Variants in PKD1 observed in about 807,000 individuals in gnomAD.
The protein encoded by PKD1 is polycystin-1.
PKD1 carries 81 observed loss-of-function variants against 361.7 expected under a neutral mutation model. The ratio of observed to expected loss-of-function variants is 0.22; its 90% CI spans 0.19 to 0.27. PKD1 has a LOEUF of 0.27. PKD1 is among the 10% of genes least tolerant of loss of function. The probability of loss-of-function intolerance (pLI) is 1.00; values close to 1 mark genes in which losing one functional copy is unlikely to be tolerated. For synonymous variants in PKD1, 3,615 were observed against 2,818.3 expected (o/e 1.28, Z -8.95); for missense variants, 6,399 against 6,118.3 (o/e 1.05, Z -1.53).
At position 2,094,105 on chromosome 16, in the gene PKD1, C is replaced by G; in HGVS notation, c.10605G>C (p.Arg3535Ser). The G allele has an allele frequency of 1.9e-6, 3 of 1,591,234 alleles. No individual in the cohort carries two copies. Among genetic ancestry groups the G allele is most frequent in the Non-Finnish European group, 2.6e-6 (3 of 1,168,208 alleles). ...ACGCAAGCACACCTGTCCTGGACAG[C>G]CTCGCTGCCTGGGGCTGTTCCCAGT... Reference protein sequence around the residue: ...GLNWEQPQAARLSRTGLVEGL... With the variant: ...GLNWEQPQAASLSRTGLVEGL... Residue 3535 changes from arginine to serine, a missense_variant, in exon 35 of 46, where the codon AGG becomes AGC. Arg to Ser is a moderately radical substitution (Grantham distance 110, BLOSUM62 -1). Transcript: ENST00000262304.
rs1469766403 is a variant in PKD1, at chr16:2,090,784, G to C, written c.12028C>G (p.Arg4010Gly). 1 of 1,612,472 alleles carries C rather than the reference G, an allele frequency of 6.2e-7. No homozygotes were observed. The highest frequency in any genetic ancestry group is 8.5e-7 in the Non-Finnish European group (1 of 1,179,970). ...VKAAQQLRFV[R>G]QWSVFGKTLC... ...GTCTTGCCAAAGACGGACCACTGGC[G>C]CACGAAGCGTAGCTGCTGGGCAGCC... Residue 4010 changes from arginine (R) to glycine (G), a missense_variant, in exon 44 of 46, where the codon CGC (arginine) becomes GGC (glycine). Arg to Gly is a moderately radical substitution (Grantham distance 125, BLOSUM62 -2). Coordinates refer to ENST00000262304, the MANE Select transcript of PKD1 (RefSeq NM_001009944.3).
intron 32 of PKD1, 24 bp from the exon 33 acceptor site, chr16:2,097,527 G>C: frequency 6.2e-7 from 1 of 1,601,982 alleles, no homozygotes; most frequent in Non-Finnish European, 8.5e-7. Flanking sequence ...GGGTCAGCAA[G>C]GTACCAGGGG....
Position 2,092,733 on chromosome 16 carries a change from G to A in PKD1, c.11157-141C>T. ...CCTGGGCTTCTCAGCCTTATCCTGG[G>A]GATGTTCTGGGGCAGACAGTTGTCT... On this transcript the variant is annotated intron_variant, in intron 38 of 45. Coordinates refer to ENST00000262304, the MANE Select transcript of PKD1 (RefSeq NM_001009944.3). 5 of 829,130 alleles carry A rather than the reference G, an allele frequency of 6.0e-6. No homozygotes were observed. The South Asian group carries it at 7.1e-5, about 12-fold the overall frequency. The allele number at this position is 829,130 out of a possible 1,614,324, so 51.4% of individuals were successfully genotyped here. A position where few individuals can be genotyped will look rare whatever the true frequency, so the allele number is the denominator to read the frequency against.
At chr16:2,105,154 G>C (rs1452551842) in intron 21 of PKD1, among the ~76,000 whole-genome samples, 168 bp downstream of exon 21, 2 of 150,892 alleles carry the variant, frequency 1.3e-5, no homozygotes, top group East Asian at 3.9e-4. Flanking sequence ...ACACAGGACA[G>C]AACGGCTGAG....
At position 2,102,546 on chromosome 16, in the gene PKD1, C is replaced by T. The variant is rs190470234; in HGVS notation, c.9036G>A (p.Thr3012=). ...CCTCGCTGAAGTACTGGCACAGGGA[C>T]GTGTACAGGCCCACGGACACCTGCA... ...SALQVSVGLY[T]SLCQYFSEED... Residue 3012 remains threonine, a synonymous_variant, in exon 25 of 46, where the codon ACG becomes ACA. Coordinates refer to ENST00000262304, the MANE Select transcript of PKD1 (RefSeq NM_001009944.3). 9.3e-6 allele frequency: 15 copies of T among 1,610,518 alleles called. No homozygotes were observed. Among genetic ancestry groups the T allele is most frequent in the Middle Eastern group, 2.1e-4 (1 of 4,686 alleles).
rs1596621081 is a variant in PKD1 at position 2,129,367 on chromosome 16, C to T, written c.215+6108G>A. The stretch of plus-strand genomic sequence containing the variant: ...GCCCAGGCTGGCCTCAAACTCCTGG[C>T]CTCAAGCCATCTGCTCTCCTAAAGT... On this transcript the variant is annotated intron_variant, in intron 1 of 45. Coordinates refer to ENST00000262304, the MANE Select transcript of PKD1 (RefSeq NM_001009944.3). Among the ~76,000 whole-genome samples the T allele has an allele frequency of 3.3e-5, 5 of 150,560 alleles. 1 individual carries two copies. Among genetic ancestry groups the T allele is most frequent in the African/African-American group, 1.2e-4 (5 of 40,942 alleles).
chr16:2,091,695 A>G, intron 41 of PKD1, 86 bp downstream of exon 41: 1 of 1,573,828 alleles, frequency 6.4e-7, no homozygotes, highest in Non-Finnish European at 8.6e-7. Context: ...GAAGCCGCCT[A>G]GGCCAGCGGG....
rs767389783 is a variant in PKD1, at chr16:2,117,599, C to T, written c.1275G>A (p.Glu425=). The T allele has an allele frequency of 1.9e-6, 3 of 1,609,946 alleles. No individual in the cohort carries two copies. The highest frequency in any genetic ancestry group is 1.3e-5 in the African/African-American group (1 of 74,846). ...CCTGCGCCTGCAGCCAGGCCGCCTT[C>T]TCCACCACCAGGCGGTAGCAGTGCC... ...GNGHCYRLVV[E]KAAWLQAQEQ... The change falls in exon 6 of 46, where the codon GAG becomes GAA. Residue 425 remains glutamate, a synonymous_variant. Transcript: ENST00000262304.
Position 2,109,951 on chromosome 16 carries a change from C to G in PKD1, c.5216G>C (p.Ser1739Thr), listed in dbSNP as rs772457591. 18 of 1,610,108 alleles carry G rather than the reference C, an allele frequency of 1.1e-5. No individual in the cohort carries two copies. Among genetic ancestry groups the G allele is most frequent in the Admixed American group, 1.7e-5 (1 of 59,946 alleles). Reference protein sequence around the residue: ...PAAVNTSVTLSAELAGGSGVV... With the variant: ...PAAVNTSVTLTAELAGGSGVV... ...ACCACTGCCACCAGCCAGCTCGGCA[C>G]TGAGGGTGACGCTTGTGTTGACGGC... The change falls in exon 15 of 46, where the codon AGT becomes ACT. Residue 1739 changes from serine (S) to threonine (T), a missense_variant. Ser to Thr is a moderately conservative substitution (Grantham distance 58, BLOSUM62 1). Transcript: ENST00000262304.
intron 1 of PKD1, among the ~76,000 whole-genome samples, chr16:2,129,939 T>C (rs946216863): frequency 8.5e-5 from 13 of 152,102 alleles, no homozygotes; most frequent in African/African-American, 3.1e-4. Flanking sequence ...GACCTGCAGG[T>C]GCTCTCTGTC....
At position 2,090,677 on chromosome 16, in the gene PKD1, G is replaced by T. The variant is rs374701548; in HGVS notation, c.12135C>A (p.Ile4045=). 1 of 1,612,106 alleles carries T rather than the reference G, an allele frequency of 6.2e-7. No individual in the cohort carries two copies. The highest frequency in any genetic ancestry group is 8.5e-7 in the Non-Finnish European group (1 of 1,179,922). Residue 4045 remains isoleucine, a synonymous_variant, in exon 44 of 46, where the codon ATC becomes ATA. Coordinates refer to ENST00000262304, the MANE Select transcript of PKD1 (RefSeq NM_001009944.3). The part of the protein sequence containing the change: ...VLGVAYAQLA[I]LLVSSCVDSL... ...CCCCGGCCGCGCAGTCACCTACCAG[G>T]ATGGCCAGCTGGGCGTAGGCTACCC...
chr16:2,132,336 G>A (rs1383744831), intron 1 of PKD1, among the ~76,000 whole-genome samples: 5 of 151,592 alleles, frequency 3.3e-5, no homozygotes, highest in Admixed American at 2.0e-4. Context: ...TTGGGAGGCC[G>A]AGGTGGGCAG....
intron 25 of PKD1, 48 bp downstream of exon 25, chr16:2,102,333 G>A: frequency 6.5e-7 from 1 of 1,533,786 alleles, no homozygotes; most frequent in Non-Finnish European, 8.8e-7. Flanking sequence ...AGCCCACCCA[G>A]GCCCTCCTCG....
At chr16:2,105,497 C>G in intron 20 of PKD1, 23 bp from the exon 21 acceptor site, 3 of 1,595,414 alleles carry the variant, frequency 1.9e-6, no homozygotes, top group Non-Finnish European at 2.5e-6. Context: ...GGGGGCACAG[C>G]AAGCTGTCAG....
intron 8 of PKD1, 68 bp downstream of exon 8, chr16:2,116,461 G>T (rs2092637926): frequency 2.3e-6 from 2 of 861,104 alleles, no homozygotes; most frequent in Admixed American, 2.0e-5. Flanking sequence ...GACCCACAGT[G>T]GGCAGGGCAG....
At position 2,112,261 on chromosome 16, in the gene PKD1, G is replaced by T. The variant is rs547278482; in HGVS notation, c.3295+79C>A. The T allele has an allele frequency of 1.4e-4, 171 of 1,255,520 alleles. 1 individual carries two copies. The East Asian group carries it at 3.7e-3, about 27-fold the overall frequency. 77.8% of individuals were successfully genotyped at this position (1,255,520 alleles called of 1,614,324 possible). The stretch of plus-strand genomic sequence containing the variant: ...TGAGGGCTGTTGGGGAGGAAGGGGG[G>T]CAGCTTGACTGGGGAGCTGGGGGGA... On this transcript the variant is annotated intron_variant, in intron 14 of 45. Transcript: ENST00000262304.
intron 31 of PKD1, 30 bp downstream of exon 31, chr16:2,097,838 C>A: frequency 2.5e-6 from 4 of 1,609,524 alleles, no homozygotes; most frequent in Non-Finnish European, 3.4e-6. Flanking sequence ...GACCCCCAGC[C>A]CAGCCCAGGA....
At chr16:2,107,002 G>C in intron 16 of PKD1, 54 bp from the exon 17 acceptor site, 1 of 1,543,288 alleles carries the variant, frequency 6.5e-7, no homozygotes, top group Non-Finnish European at 8.8e-7. Flanking sequence ...CTGCTGGAAG[G>C]ACTGGGGGAC....
chr16:2,090,570 G>T lies in PKD1; in HGVS notation c.12159C>A (p.Asp4053Glu). The change falls in exon 45 of 46, where the codon GAC (aspartate) becomes GAA (glutamate). Residue 4053 changes from aspartate to glutamate, a missense_variant. Asp to Glu is a conservative substitution (Grantham distance 45, BLOSUM62 2). Transcript: ENST00000262304. ...LAILLVSSCV[D>E]SLWSVAQALL... ...GGGCCTGGGCCACGCTCCAGAGGGAGTCCACACAGGAAGACACGAGCTGCG... is the reference window on the plus strand; with the variant it reads ...GGGCCTGGGCCACGCTCCAGAGGGATTCCACACAGGAAGACACGAGCTGCG... 1 of 1,609,070 alleles carries T rather than the reference G, an allele frequency of 6.2e-7. No individual in the cohort carries two copies.
Sources: gnomAD v4.1 joint callset for allele counts (sites outside exome capture counted in the v4.1 genomes callset) on GRCh38, gnomAD v4.1.1 for gene constraint, MANE v1.5 for transcripts, NCBI Gene and HGNC (gene_info 2026-07-23, HGNC 2026-07-21) for gene names.